Variants in PKHD1 observed in about 807,000 individuals in gnomAD.
The protein encoded by PKHD1 is fibrocystin.
PKHD1 carries 291 observed loss-of-function variants against 412.0 expected under a neutral mutation model. That is an observed-to-expected ratio of 0.71 (90% confidence interval 0.64 to 0.78). The LOEUF (loss-of-function observed/expected upper bound fraction) is 0.78, where lower values mean the gene tolerates loss of function less well. PKHD1 is among the 30% of genes least tolerant of loss of function. The pLI is 0.00. For synonymous variants in PKHD1, 1,777 were observed against 1,821.5 expected (o/e 0.98, Z 0.62); for missense variants, 4,825 against 4,950.7 (o/e 0.97, Z 0.76).
chr6:51,615,663 T>C lies in PKHD1; in HGVS notation c.*3418A>G, dbSNP rs1195705165. ...ATATGATTTACATTTGATTTCCTCA[T>C]ACTCATTTTTGCATATAGTTTGCAG... On this transcript the variant is annotated 3_prime_UTR_variant, in exon 67 of 67. Coordinates refer to ENST00000371117, the MANE Select transcript of PKHD1 (RefSeq NM_138694.4). 6.6e-6 allele frequency: 1 copy of C among 152,238 alleles called. No homozygotes were observed. The highest frequency in any genetic ancestry group is 1.9e-4 in the East Asian group (1 of 5,198). The allele number at this position is 152,238 out of a possible 1,614,324, so 9.4% of individuals were successfully genotyped here.
chr6:51,813,961 A>G (rs1765068897), intron 52 of PKHD1, among the ~76,000 whole-genome samples: 1 of 152,208 alleles, frequency 6.6e-6, no homozygotes, highest in Admixed American at 6.5e-5. Context: ...GGAAAAAAAA[A>G]GTCCACATTT....
chr6:51,891,478 C>T (rs1779112203), intron 43 of PKHD1, among the ~76,000 whole-genome samples: 1 of 151,968 alleles, frequency 6.6e-6, no homozygotes, highest in South Asian at 2.1e-4. Flanking sequence ...GGGGTTTCTC[C>T]ATGTTGGTCA....
chr6:51,854,911 G>C (rs746868603), intron 49 of PKHD1, among the ~76,000 whole-genome samples: 2 of 152,254 alleles, frequency 1.3e-5, no homozygotes, highest in Non-Finnish European at 2.9e-5. Flanking sequence ...TCCAAACTGG[G>C]AGCTCAAATG....
intron 36 of PKHD1, among the ~76,000 whole-genome samples, chr6:51,947,976 TA>T (rs1315388713): frequency 2.0e-5 from 3 of 152,098 alleles, no homozygotes; most frequent in African/African-American, 7.2e-5. Context: ...TTGCAATTGC[TA>T]AGTCTGAAAA....
intron 63 of PKHD1, among the ~76,000 whole-genome samples, chr6:51,647,090 C>T (rs1770184971): frequency 6.6e-6 from 1 of 152,156 alleles, no homozygotes; most frequent in Admixed American, 6.5e-5. Flanking sequence ...GGCTCCTTTG[C>T]CTTAATTCTG....
At chr6:52,016,936 C>T (rs191478403) in intron 34 of PKHD1, among the ~76,000 whole-genome samples, 21 of 152,274 alleles carry the variant, frequency 1.4e-4, no homozygotes, top group Admixed American at 3.3e-4. Flanking sequence ...CTTCTAAATC[C>T]TAGATCTACA....
At chr6:51,852,180 G>T (rs1772393244) in intron 49 of PKHD1, among the ~76,000 whole-genome samples, 1 of 152,148 alleles carries the variant, frequency 6.6e-6, no homozygotes, top group Admixed American at 6.5e-5. Context: ...TTCAGGAGCA[G>T]ATTGTTCAAT....
intron 53 of PKHD1, among the ~76,000 whole-genome samples, chr6:51,784,482 T>C (rs1314636095): frequency 2.6e-5 from 4 of 152,194 alleles, no homozygotes; most frequent in Admixed American, 6.5e-5. Context: ...TTATGAATCT[T>C]CTATTGGGGA....
chr6:51,626,865 GA>G (rs1554165780), intron 66 of PKHD1, 131 bp downstream of exon 66: 3 of 899,286 alleles, frequency 3.3e-6, no homozygotes, highest in Non-Finnish European at 5.6e-6. Context: ...TAATTTCTTT[GA>G]AGGAAAGTAA....
chr6:51,695,666 G>A (rs866896699), intron 60 of PKHD1, among the ~76,000 whole-genome samples: 1 of 152,078 alleles, frequency 6.6e-6, no homozygotes, highest in Non-Finnish European at 1.5e-5. Context: ...TTATTTTATA[G>A]GTTATGAAAA....
At position 51,890,084 on chromosome 6, in the gene PKHD1, A is replaced by G. The variant is rs562221377; in HGVS notation, c.6997-2839T>C. 5.9e-5 allele frequency among the ~76,000 whole-genome samples: 9 copies of G among 152,260 alleles called. No homozygotes were observed. The East Asian group carries it at 1.5e-3, about 26-fold the overall frequency. ...TGAAAATCTACAGAGAAGGCACTAC[A>G]GTCCAGGTACTGGATTTTAGAGTCT... On this transcript the variant is annotated intron_variant, in intron 43 of 66. Transcript: ENST00000371117.
At chr6:51,775,032 T>C (rs913464035) in intron 54 of PKHD1, among the ~76,000 whole-genome samples, 12 of 150,934 alleles carry the variant, frequency 8.0e-5, no homozygotes, top group African/African-American at 2.7e-4. Flanking sequence ...TTTTAGCTAT[T>C]GTATTGTCAC....
At position 51,747,774 on chromosome 6, in the gene PKHD1, T is replaced by C. The variant is rs1582435823; in HGVS notation, c.9829+13A>G. On this transcript the variant is annotated intron_variant, in intron 58 of 66. Coordinates refer to ENST00000371117, the MANE Select transcript of PKHD1 (RefSeq NM_138694.4). Reference sequence around the variant, plus strand: ...ATGAAATGGCACTGCCTAGATAAAATAAAACATCCTACCTTGAAGTTTCAT... The same window carrying C: ...ATGAAATGGCACTGCCTAGATAAAACAAAACATCCTACCTTGAAGTTTCAT... 2.5e-6 allele frequency: 4 copies of C among 1,611,190 alleles called. No individual in the cohort carries two copies. Among genetic ancestry groups the C allele is most frequent in the Non-Finnish European group, 2.5e-6 (3 of 1,177,638 alleles).
At chr6:51,676,152 C>T (rs1325884031) in intron 60 of PKHD1, among the ~76,000 whole-genome samples, 1 of 150,938 alleles carries the variant, frequency 6.6e-6, no homozygotes, top group African/African-American at 2.4e-5. Flanking sequence ...ATTTGTCCTT[C>T]CTGTCGTGAA....
intron 60 of PKHD1, among the ~76,000 whole-genome samples, chr6:51,683,980 A>G (rs1360461242): frequency 6.6e-6 from 1 of 152,056 alleles, no homozygotes; most frequent in Non-Finnish European, 1.5e-5. Flanking sequence ...TCACCTTTGC[A>G]TATGTCCTTC....
chr6:51,833,940 A>G (rs1289094832), intron 51 of PKHD1, among the ~76,000 whole-genome samples: 1 of 152,144 alleles, frequency 6.6e-6, no homozygotes, highest in African/African-American at 2.4e-5. Context: ...AACACTCCTG[A>G]TGAGGCCTCT....
chr6:52,014,093 C>A (rs1164391831), intron 34 of PKHD1, among the ~76,000 whole-genome samples: 3 of 152,208 alleles, frequency 2.0e-5, no homozygotes, highest in South Asian at 2.1e-4. Context: ...TTTACTTTGG[C>A]CTTCAATGCC....
intron 28 of PKHD1, 108 bp from the exon 29 acceptor site, chr6:52,033,273 A>C (rs1803357274): frequency 3.3e-6 from 3 of 905,942 alleles, no homozygotes; most frequent in Admixed American, 3.9e-5. Context: ...ATTTTAAGAA[A>C]GTTGTTCCTA....
intron 55 of PKHD1, among the ~76,000 whole-genome samples, chr6:51,767,549 G>A (rs562810852): frequency 6.6e-6 from 1 of 152,106 alleles, no homozygotes; most frequent in East Asian, 1.9e-4. Context: ...TCCCACCTAT[G>A]AGTGAGAACA....
Sources: allele counts gnomAD v4.1 joint callset (sites outside exome capture counted in the v4.1 genomes callset), GRCh38; gene constraint gnomAD v4.1.1; transcripts MANE v1.5; gene names NCBI Gene and HGNC (gene_info 2026-07-23, HGNC 2026-07-21).